The following GPAM variants were observed in gnomAD, a reference collection of about 807,000 sequenced individuals.
GPAM encodes glycerol-3-phosphate acyltransferase 1, mitochondrial.
GPAM carries 56 observed loss-of-function variants against 105.0 expected under a neutral mutation model. That is an observed-to-expected ratio of 0.53 (90% confidence interval 0.43 to 0.67). The LOEUF (loss-of-function observed/expected upper bound fraction) is 0.67, where lower values mean the gene tolerates loss of function less well. Among genes scored for constraint, GPAM ranks in the 30% least tolerant of loss-of-function variants. The probability of loss-of-function intolerance (pLI) is 0.00; values close to 1 mark genes in which losing one functional copy is unlikely to be tolerated. For synonymous variants in GPAM, 368 were observed against 354.4 expected (o/e 1.04, Z -0.43); for missense variants, 855 against 989.8 (o/e 0.86, Z 1.83).
intron 18 of GPAM, 80 bp downstream of exon 18, chr10:112,158,236 T>G: frequency 1.0e-6 from 1 of 952,380 alleles, no homozygotes; most frequent in Non-Finnish European, 1.7e-6. Context: ...TGGCCAATTA[T>G]TGGTTTAAAT....
Position 112,153,679 on chromosome 10 carries a change from T to A in GPAM, c.2371-13A>T, listed in dbSNP as rs755101863. On this transcript the variant is annotated splice_polypyrimidine_tract_variant and intron_variant, in intron 21 of 21. Transcript: ENST00000348367. Reference sequence around the variant, plus strand: ...TCTCCTTGAAAACCTAAAGAAAAGGTTTAGATTAAATTAAAGGCAAAAAAT... The same window carrying A: ...TCTCCTTGAAAACCTAAAGAAAAGGATTAGATTAAATTAAAGGCAAAAAAT... 1 of 1,607,552 alleles carries A rather than the reference T, an allele frequency of 6.2e-7. No individual in the cohort carries two copies. Among genetic ancestry groups the A allele is most frequent in the Non-Finnish European group, 8.5e-7 (1 of 1,175,032 alleles).
intron 1 of GPAM, among the ~76,000 whole-genome samples, chr10:112,207,471 C>T (rs1242255764): frequency 6.6e-6 from 1 of 152,160 alleles, no homozygotes; most frequent in Non-Finnish European, 1.5e-5. Context: ...ACACAGTGTC[C>T]CCTTAGAGGC....
intron 1 of GPAM, among the ~76,000 whole-genome samples, chr10:112,210,865 G>A (rs1358778841): frequency 6.6e-6 from 1 of 152,256 alleles, no homozygotes; most frequent in African/African-American, 2.4e-5. Flanking sequence ...GGGAGGTCAA[G>A]TGGAAAGCAT....
intron 1 of GPAM, among the ~76,000 whole-genome samples, chr10:112,207,380 G>C (rs1847863800): frequency 6.6e-6 from 1 of 152,196 alleles, no homozygotes; most frequent in Admixed American, 6.5e-5. Context: ...ACAGCTGGCA[G>C]AGCCTTGATG....
At chr10:112,217,535 A>G (rs9645581), upstream of GPAM, among the ~76,000 whole-genome samples, 11,936 of 152,038 alleles carry the variant, frequency 0.079, 510 homozygotes, top group Middle Eastern at 0.19. Flanking sequence ...ACCTCATAGC[A>G]GGGAAACAGG....
rs377153705 is a variant in GPAM at position 112,194,393 on chromosome 10, T to A, written n.211-11502A>T. Among the ~76,000 whole-genome samples the A allele has an allele frequency of 1.4e-4, 21 of 152,320 alleles. No homozygotes were observed. The South Asian group carries it at 4.3e-3, about 32-fold the overall frequency. ...ACAAGACAGGCTACACTATATAACA[T>A]TTTAAAAGGTTGTCTTTGCTGTGCT... On this transcript the variant is annotated intron_variant and non_coding_transcript_variant, in intron 1 of 3. Transcript: ENST00000480130.
Position 112,150,697 on chromosome 10 carries a change from T to C in GPAM, c.*2853A>G. 1 of 950,146 alleles carries C rather than the reference T, an allele frequency of 1.1e-6. No homozygotes were observed. The highest frequency in any genetic ancestry group is 1.3e-6 in the Non-Finnish European group (1 of 797,822). The allele number at this position is 950,146 out of a possible 1,614,324, so 58.9% of individuals were successfully genotyped here. On this transcript the variant is annotated 3_prime_UTR_variant, in exon 22 of 22. Coordinates refer to ENST00000348367, the MANE Select transcript of GPAM (RefSeq NM_001244949.2). ...GGTTAGACAGTTTTTCACTACCGGA[T>C]GCCAAGCCCTTACTGCGCTAAAGTG...
chr10:112,185,890 G>A (rs1021652815), upstream of GPAM, among the ~76,000 whole-genome samples: 2 of 152,092 alleles, frequency 1.3e-5, no homozygotes, highest in Admixed American at 1.3e-4. Flanking sequence ...AGTGAGCCTA[G>A]TATACATGCA....
intron 1 of GPAM, among the ~76,000 whole-genome samples, chr10:112,198,041 A>G (rs1157889460): frequency 6.6e-6 from 1 of 152,212 alleles, no homozygotes; most frequent in Admixed American, 6.5e-5. Context: ...AGTAAACTCA[A>G]TTTATGGTTT....
At chr10:112,214,930 G>A (rs982751732) in intron 1 of GPAM, among the ~76,000 whole-genome samples, 7 of 152,228 alleles carry the variant, frequency 4.6e-5, no homozygotes, top group African/African-American at 1.7e-4. Context: ...AGATGTGAAT[G>A]TTACATCACA....
intron 15 of GPAM, among the ~76,000 whole-genome samples, chr10:112,161,096 A>G (rs1354679990): frequency 6.6e-6 from 1 of 152,246 alleles, no homozygotes. Flanking sequence ...CACTCTAGCC[A>G]TGACACATGA....
the GPAM span, among the ~76,000 whole-genome samples, chr10:112,224,585 T>G: frequency 4.6e-5 from 7 of 152,072 alleles, no homozygotes. Context: ...GGAAACACCG[T>G]GTTCCCCTGG....
intron 7 of GPAM, 74 bp downstream of exon 7, chr10:112,173,625 G>A: frequency 7.3e-7 from 1 of 1,365,334 alleles, no homozygotes; most frequent in Non-Finnish European, 1.0e-6. Flanking sequence ...TGCTAGGAAA[G>A]TTCAATAATT....
At chr10:112,179,014 A>C (rs1383776153) in intron 4 of GPAM, among the ~76,000 whole-genome samples, 1 of 152,250 alleles carries the variant, frequency 6.6e-6, no homozygotes, top group Non-Finnish European at 1.5e-5. Context: ...TCCACACTTA[A>C]ATGCTGAAAA....
intron 1 of GPAM, among the ~76,000 whole-genome samples, chr10:112,198,925 GTTTT>G (rs112285181): frequency 6.8e-6 from 1 of 146,332 alleles, no homozygotes; most frequent in Non-Finnish European, 1.5e-5. Context: ...TTGTTGTTTT[GTTTT>G]TTTTTTTGTT....
At chr10:112,172,557 C>T (rs957053231) in intron 8 of GPAM, among the ~76,000 whole-genome samples, 2 of 152,136 alleles carry the variant, frequency 1.3e-5, no homozygotes, top group South Asian at 2.1e-4. Flanking sequence ...TTCCAGTTGA[C>T]CTATACCCTT....
chr10:112,155,099 G>A (rs1391633453), intron 20 of GPAM: 1 of 202,752 alleles, frequency 4.9e-6, no homozygotes, highest in Non-Finnish European at 1.0e-5. Flanking sequence ...GAAAGCACAG[G>A]CCTCGAGGTT....
the GPAM span, among the ~76,000 whole-genome samples, chr10:112,222,814 C>G: frequency 1.3e-5 from 2 of 152,154 alleles, no homozygotes; most frequent in Admixed American, 6.5e-5. Flanking sequence ...AGGCCTAGCA[C>G]AGAGCCAGGC....
Position 112,151,517 on chromosome 10 carries a change from T to G in GPAM, c.*2033A>C. The G allele has an allele frequency of 1.0e-6, 1 of 985,740 alleles. No homozygotes were observed. Among genetic ancestry groups the G allele is most frequent in the South Asian group, 4.7e-5 (1 of 21,280 alleles). 61.1% of individuals were successfully genotyped at this position (985,740 alleles called of 1,614,324 possible). A position where few individuals can be genotyped will look rare whatever the true frequency, so the allele number is the denominator to read the frequency against. On this transcript the variant is annotated 3_prime_UTR_variant, in exon 22 of 22. Transcript: ENST00000348367. ...ACAGTGAGTTAAGTGGTGAGAGAGCTAGCAAATCATACATTGCATTCCCCA... is the reference window on the plus strand; with the variant it reads ...ACAGTGAGTTAAGTGGTGAGAGAGCGAGCAAATCATACATTGCATTCCCCA...
Sources: allele counts gnomAD v4.1 joint callset (sites outside exome capture counted in the v4.1 genomes callset), GRCh38; gene constraint gnomAD v4.1.1; transcripts MANE v1.5; gene names NCBI Gene and HGNC (gene_info 2026-07-23, HGNC 2026-07-21).